Variants in SIPA1L1 observed in about 807,000 individuals in gnomAD.
SIPA1L1 encodes the protein signal induced proliferation associated 1 like 1, also known as signal-induced proliferation-associated 1-like protein 1.
In SIPA1L1, 26 loss-of-function variants were observed where a neutral mutation model predicts 162.7. The observed-to-expected ratio is 0.16, with a 90% CI of 0.12 to 0.22. The LOEUF (loss-of-function observed/expected upper bound fraction) is 0.22. Ranked by LOEUF, SIPA1L1 falls within the 10% of genes least tolerant of loss-of-function variation. The pLI, the probability that SIPA1L1 is intolerant of heterozygous loss-of-function variation, is 1.00. For synonymous variants in SIPA1L1, 829 were observed against 837.4 expected, an observed-to-expected ratio of 0.99 and a Z score of 0.17; for missense variants, 1,874 against 2,241.0, an observed-to-expected ratio of 0.84 and a Z score of 3.31.
Position 71,340,963 on chromosome 14 carries a change from G to A in SIPA1L1, c.-465+19782G>A, listed in dbSNP as rs60347165. On this transcript the variant is annotated intron_variant, in intron 2 of 23. Transcript: ENST00000381232. Reference sequence around the variant, plus strand: ...CAAAAAAAGAAATAAAAGTTAAGTGGTATATAAGTGAACTTTCAGGAGGTG... The same window carrying A: ...CAAAAAAAGAAATAAAAGTTAAGTGATATATAAGTGAACTTTCAGGAGGTG... 2.4e-4 allele frequency among the ~76,000 whole-genome samples: 37 copies of A among 152,230 alleles called. No individual in the cohort carries two copies. In the South Asian group the frequency reaches 6.8e-3, roughly 28 times the overall value.
chr14:71,594,959 T>C (rs1279162522), intron 5 of SIPA1L1, among the ~76,000 whole-genome samples: 1 of 152,138 alleles, frequency 6.6e-6, no homozygotes, highest in Non-Finnish European at 1.5e-5. Flanking sequence ...GTGTGTTTGC[T>C]CTTTGGAAAG....
intron 2 of SIPA1L1, among the ~76,000 whole-genome samples, chr14:71,409,311 T>G (rs1337544301): frequency 6.6e-6 from 1 of 152,112 alleles, no homozygotes; most frequent in African/African-American, 2.4e-5. Context: ...TTCCGTGGTG[T>G]GGCTAGAGTA....
chr14:71,365,048 AT>A lies in SIPA1L1; in HGVS notation c.-465+43878del, dbSNP rs113744438. Among the ~76,000 whole-genome samples, 492 of 147,684 alleles carry A rather than the reference AT, an allele frequency of 3.3e-3. 3 individuals are homozygous for A. Among genetic ancestry groups the A allele is most frequent in the African/African-American group, 0.012 (466 of 40,344 alleles). Reference sequence around the variant, plus strand: ...AGGCATGAGCCACCATGCTAGGCCAATTTTTTTTTTTCTTGTTGCCCAGGCT... The same window carrying A: ...AGGCATGAGCCACCATGCTAGGCCAATTTTTTTTTTCTTGTTGCCCAGGCT... On this transcript the variant is annotated intron_variant, in intron 2 of 23. Coordinates refer to ENST00000381232, the MANE Select transcript of SIPA1L1 (RefSeq NM_001386936.1).
At chr14:71,423,706 T>C (rs1307761022) in intron 2 of SIPA1L1, among the ~76,000 whole-genome samples, 1 of 152,210 alleles carries the variant, frequency 6.6e-6, no homozygotes, top group East Asian at 1.9e-4. Flanking sequence ...TTGTTTTGAT[T>C]ACCATAGCGT....
chr14:71,650,664 A>C (rs2042544802), intron 8 of SIPA1L1, among the ~76,000 whole-genome samples, 155 bp downstream of exon 8: 1 of 152,182 alleles, frequency 6.6e-6, no homozygotes, highest in South Asian at 2.1e-4. Context: ...GTAGCACCAG[A>C]ACAGTTGAAG....
chr14:71,728,716 A>G (rs1185203793), intron 19 of SIPA1L1, among the ~76,000 whole-genome samples: 2 of 152,222 alleles, frequency 1.3e-5, no homozygotes, highest in Non-Finnish European at 2.9e-5. Flanking sequence ...GTGGCTTTCA[A>G]CCAGCAGTGA....
chr14:71,542,392 CCTG>C (rs1225056411), intron 4 of SIPA1L1, among the ~76,000 whole-genome samples: 5 of 148,138 alleles, frequency 3.4e-5, no homozygotes, highest in Admixed American at 6.8e-5. Context: ...GCTGCTTCTT[CCTG>C]CTGCTGCTGC....
chr14:71,711,126 G>A (rs2082848183), intron 17 of SIPA1L1, among the ~76,000 whole-genome samples: 1 of 152,188 alleles, frequency 6.6e-6, no homozygotes. Context: ...CAAAATGATG[G>A]TGATAGGTCT....
At chr14:71,402,435 G>A (rs556708491) in intron 2 of SIPA1L1, among the ~76,000 whole-genome samples, 2 of 150,588 alleles carry the variant, frequency 1.3e-5, no homozygotes, top group East Asian at 1.9e-4. Flanking sequence ...TGTAACCTCC[G>A]CCTCCCGGGT....
chr14:71,564,434 T>C lies in SIPA1L1; in HGVS notation c.-302-23137T>C, dbSNP rs78203383. ...AGCAGGTACTCCATTTAGAAAAATG[T>C]GTAGTCTTCTTCCTCTTCCTTGATG... is the stretch of plus-strand genomic sequence containing the variant. On this transcript the variant is annotated intron_variant, in intron 4 of 23. Coordinates refer to ENST00000381232, the MANE Select transcript of SIPA1L1 (RefSeq NM_001386936.1). Among the ~76,000 whole-genome samples, 1,298 of 150,716 alleles carry C rather than the reference T, an allele frequency of 8.6e-3. 8 individuals carry two copies. The highest frequency in any genetic ancestry group is 0.013 in the Non-Finnish European group (898 of 67,698).
At chr14:71,618,234 C>T (rs2039049224) in intron 5 of SIPA1L1, among the ~76,000 whole-genome samples, 1 of 152,242 alleles carries the variant, frequency 6.6e-6, no homozygotes, top group Admixed American at 6.5e-5. Flanking sequence ...TTCCTCTGAG[C>T]TCCTACTCCA....
At chr14:71,569,568 TG>T (rs1360414896) in intron 4 of SIPA1L1, among the ~76,000 whole-genome samples, 1 of 152,204 alleles carries the variant, frequency 6.6e-6, no homozygotes, top group Non-Finnish European at 1.5e-5. Context: ...ATGGCATTTG[TG>T]GGTCCCCCAG....
intron 2 of SIPA1L1, among the ~76,000 whole-genome samples, chr14:71,368,475 A>AC (rs1322822020): frequency 1.1e-5 from 1 of 90,840 alleles, no homozygotes; most frequent in Non-Finnish European, 2.2e-5. Flanking sequence ...CCATGTCCCT[A>AC]CAAAGGACAT....
intron 2 of SIPA1L1, among the ~76,000 whole-genome samples, chr14:71,421,002 A>G (rs555698312): frequency 1.3e-5 from 2 of 152,264 alleles, no homozygotes; most frequent in East Asian, 3.9e-4. Flanking sequence ...CTTAATCTGT[A>G]GCATTTTCTC....
intron 17 of SIPA1L1, among the ~76,000 whole-genome samples, chr14:71,721,988 C>G (rs761576413): frequency 3.9e-5 from 6 of 152,246 alleles, no homozygotes; most frequent in South Asian, 2.1e-4. Context: ...TCTAAATGCT[C>G]TGTCCGTGGG....
At chr14:71,529,514 C>A in intron 4 of SIPA1L1, 144 bp downstream of exon 4, 1 of 519,274 alleles carries the variant, frequency 1.9e-6, no homozygotes, top group South Asian at 3.2e-5. Context: ...AGTCGTTTGT[C>A]ATCTGCTTTT....
chr14:71,574,765 C>T (rs907048451), intron 4 of SIPA1L1: 7 of 151,538 alleles, frequency 4.6e-5, no homozygotes, highest in African/African-American at 9.7e-5. Flanking sequence ...TATTGGTTTG[C>T]GTTTTGATTA....
chr14:71,521,017 G>C (rs2052295503), intron 3 of SIPA1L1, among the ~76,000 whole-genome samples: 1 of 152,176 alleles, frequency 6.6e-6, no homozygotes, highest in Non-Finnish European at 1.5e-5. Flanking sequence ...GCCTCCCAAA[G>C]TGCTGGGATT....
intron 4 of SIPA1L1, among the ~76,000 whole-genome samples, chr14:71,579,758 G>T (rs946668593): frequency 6.6e-6 from 1 of 152,138 alleles, no homozygotes; most frequent in Non-Finnish European, 1.5e-5. Flanking sequence ...TTGTTCTTAT[G>T]CTCCTTTCTA....
Sources: allele counts gnomAD v4.1 joint callset (sites outside exome capture counted in the v4.1 genomes callset), GRCh38; gene constraint gnomAD v4.1.1; transcripts MANE v1.5; gene names NCBI Gene and HGNC (gene_info 2026-07-23, HGNC 2026-07-21).